The following ASB4 variants were observed in gnomAD, a reference collection of about 807,000 sequenced individuals.
ASB4 encodes the protein ankyrin repeat and SOCS box protein 4.
In ASB4, 35 loss-of-function variants were observed where a neutral mutation model predicts 38.6. The observed-to-expected ratio is 0.91, with a 90% CI of 0.69 to 1.20. ASB4 has a LOEUF of 1.20. Among genes scored for constraint, ASB4 ranks in the 50% most tolerant of loss-of-function variants. The pLI is 0.00. For missense variants in ASB4, 557 were observed against 527.2 expected (o/e 1.06, Z -0.55); for synonymous variants, 195 against 201.3 (o/e 0.97, Z 0.26).
At chr7:95,486,846 T>TA (rs1179128514) in intron 1 of ASB4, among the ~76,000 whole-genome samples, 2 of 152,238 alleles carry the variant, frequency 1.3e-5, no homozygotes, top group Non-Finnish European at 2.9e-5. Context: ...AATTTTTTTT[T>TA]ACCAAGGAAT....
At chr7:95,486,831 A>G (rs553670467) in intron 1 of ASB4, among the ~76,000 whole-genome samples, 1 of 152,338 alleles carries the variant, frequency 6.6e-6, no homozygotes, top group African/African-American at 2.4e-5. Flanking sequence ...AACAAAAATT[A>G]GACCAATTTT....
At chr7:95,546,783 G>A in the ASB4 span, among the ~76,000 whole-genome samples, 1 of 152,216 alleles carries the variant, frequency 6.6e-6, no homozygotes, top group Non-Finnish European at 1.5e-5. Flanking sequence ...AGGCAGGGCT[G>A]CCGGCACAGG....
intron 2 of ASB4, among the ~76,000 whole-genome samples, chr7:95,526,545 T>C (rs2116643006): frequency 6.6e-6 from 1 of 152,320 alleles, no homozygotes; most frequent in East Asian, 1.9e-4. Flanking sequence ...CCCCAGCTAG[T>C]TGCACTCGTG....
chr7:95,526,010 A>G (rs1790731433), intron 2 of ASB4, among the ~76,000 whole-genome samples: 1 of 152,250 alleles, frequency 6.6e-6, no homozygotes, highest in Admixed American at 6.5e-5. Context: ...GCATAAAGGA[A>G]CAATACATGG....
At chr7:95,528,870 C>A in intron 3 of ASB4, 1 of 317,326 alleles carries the variant, frequency 3.2e-6, no homozygotes, top group Non-Finnish European at 4.6e-6. Context: ...CCCTATTTGA[C>A]AGAGGAGGAA....
At chr7:95,512,922 C>T in intron 2 of ASB4, among the ~76,000 whole-genome samples, 1 of 151,834 alleles carries the variant, frequency 6.6e-6, no homozygotes, top group East Asian at 1.9e-4. Context: ...CTTGATATGG[C>T]AAAAAAAGCA....
intron 3 of ASB4, chr7:95,528,677 T>G: frequency 9.0e-7 from 1 of 1,111,504 alleles, no homozygotes. Context: ...TGACTCAGCC[T>G]GCTTTGAAAT....
At chr7:95,531,884 C>T (rs1296199468) in intron 3 of ASB4, among the ~76,000 whole-genome samples, 1 of 152,186 alleles carries the variant, frequency 6.6e-6, no homozygotes, top group African/African-American at 2.4e-5. Context: ...TTCCAACCAA[C>T]TTTGTCCATG....
intron 2 of ASB4, among the ~76,000 whole-genome samples, chr7:95,520,715 T>C (rs761637463): frequency 2.0e-5 from 3 of 150,686 alleles, no homozygotes; most frequent in African/African-American, 7.3e-5. Flanking sequence ...TTGGTTCCAA[T>C]ACCTTTATTA....
intron 1 of ASB4, among the ~76,000 whole-genome samples, chr7:95,493,631 G>T (rs1790205488): frequency 6.6e-6 from 1 of 152,010 alleles, no homozygotes; most frequent in South Asian, 2.1e-4. Context: ...TGCCAAGGAG[G>T]TAACTTGGTA....
Position 95,495,829 on chromosome 7 carries a change from C to G in ASB4, c.259C>G (p.His87Asp). The G allele has an allele frequency of 6.2e-7, 1 of 1,613,256 alleles. No homozygotes were observed. Among genetic ancestry groups the G allele is most frequent in the Non-Finnish European group, 8.5e-7 (1 of 1,179,926 alleles). The change falls in exon 2 of 5, where the codon CAT (histidine) becomes GAT (aspartate). Residue 87 changes from histidine to aspartate, a missense_variant. His to Asp is a moderately conservative substitution (Grantham distance 81). Coordinates refer to ENST00000325885, the MANE Select transcript of ASB4 (RefSeq NM_016116.3). ...CCTCCATCTCTCTGTCTTGTTTGGCCATGTGGAATGTCTTCTGGTGCTACT... is the reference window on the plus strand; with the variant it reads ...CCTCCATCTCTCTGTCTTGTTTGGCGATGTGGAATGTCTTCTGGTGCTACT... ...TGLHLSVLFGHVECLLVLLDH... is the reference protein window; with the variant it reads ...TGLHLSVLFGDVECLLVLLDH...
At position 95,528,063 on chromosome 7, in the gene ASB4, T is replaced by TG. The variant is rs778008852; in HGVS notation, c.739dup (p.Ala247GlyfsTer4). On this transcript the variant is annotated frameshift_variant, in exon 3 of 5. Coordinates refer to ENST00000325885, the MANE Select transcript of ASB4 (RefSeq NM_016116.3). LOFTEE classifies it high-confidence loss of function. The stretch of plus-strand genomic sequence containing the variant: ...TGCTTGACTACAAAGCCGAAGTCAA[T>TG]GCCCGAGATGACGACTTTAAATCTC... 9.9e-6 allele frequency: 16 copies of TG among 1,614,144 alleles called. No individual in the cohort carries two copies. The highest frequency in any genetic ancestry group is 1.3e-5 in the Non-Finnish European group (15 of 1,180,026).
intron 3 of ASB4, chr7:95,528,692 T>A: frequency 1.8e-6 from 2 of 1,088,078 alleles, no homozygotes; most frequent in Non-Finnish European, 2.2e-6. Context: ...TGAAATTAGC[T>A]TGTAGCCATG....
intron 2 of ASB4, among the ~76,000 whole-genome samples, chr7:95,506,776 A>G (rs1485262740): frequency 6.7e-6 from 1 of 149,066 alleles, no homozygotes; most frequent in African/African-American, 2.5e-5. Context: ...TACTGAGTCC[A>G]TTCAATTCCA....
Position 95,537,902 on chromosome 7 carries a change from T to C in ASB4, c.*143T>C, listed in dbSNP as rs189393227. ...ACTTTACAAACACTGCCATTAATCC[T>C]AGAATATCATGGTATGGGGAAATAA... On this transcript the variant is annotated 3_prime_UTR_variant, in exon 5 of 5. Transcript: ENST00000325885. 3.1e-6 allele frequency: 2 copies of C among 638,928 alleles called. No individual in the cohort carries two copies. Among genetic ancestry groups the C allele is most frequent in the African/African-American group, 1.8e-5 (1 of 54,852 alleles). The allele number at this position is 638,928 out of a possible 1,614,324, so 39.6% of individuals were successfully genotyped here.
intron 2 of ASB4, among the ~76,000 whole-genome samples, chr7:95,514,247 G>T (rs1013913869): frequency 6.6e-6 from 1 of 151,952 alleles, no homozygotes; most frequent in Non-Finnish European, 1.5e-5. Context: ...TTGAATTTCT[G>T]TCTCACCGAC....
rs753535152 is a variant in ASB4, at chr7:95,527,954, C to T, written c.629C>T (p.Thr210Ile). The change falls in exon 3 of 5, where the codon ACC becomes ATC. Residue 210 changes from threonine to isoleucine, a missense_variant. Coordinates refer to ENST00000325885, the MANE Select transcript of ASB4 (RefSeq NM_016116.3). Reference protein sequence around the residue: ...IVDSVNAHMETPLAIAAYWAL... With the variant: ...IVDSVNAHMEIPLAIAAYWAL... ...GACAGCGTGAATGCCCACATGGAGA[C>T]CCCCCTGGCCATCGCCGCCTACTGG... 54 of 1,613,958 alleles carry T rather than the reference C, an allele frequency of 3.3e-5. 3 individuals carry two copies. In the South Asian group the frequency reaches 5.8e-4, roughly 17 times the overall value.
intron 2 of ASB4, among the ~76,000 whole-genome samples, chr7:95,510,079 A>G (rs928615384): frequency 3.3e-5 from 5 of 152,310 alleles, no homozygotes; most frequent in African/African-American, 1.2e-4. Flanking sequence ...TCAGAATCCT[A>G]TTAGCTTAAA....
intron 2 of ASB4, among the ~76,000 whole-genome samples, chr7:95,517,675 G>T (rs1790603313): frequency 6.6e-6 from 1 of 152,100 alleles, no homozygotes; most frequent in South Asian, 2.1e-4. Context: ...TAACTGGAAG[G>T]TTGAAAAATG....
Sources: allele counts gnomAD v4.1 joint callset (sites outside exome capture counted in the v4.1 genomes callset), GRCh38; gene constraint gnomAD v4.1.1; transcripts MANE v1.5; gene names NCBI Gene and HGNC (gene_info 2026-07-23, HGNC 2026-07-21).